Variants in MACROD2 observed in about 807,000 individuals in gnomAD.
MACROD2 encodes the protein mono-ADP ribosylhydrolase 2, also known as ADP-ribose glycohydrolase MACROD2.
A neutral mutation model predicts 70.4 loss-of-function variants in MACROD2; 36 were observed. The observed-to-expected ratio is 0.51, with a 90% CI of 0.39 to 0.68. MACROD2 has a LOEUF of 0.68. MACROD2 is among the 30% of genes least tolerant of loss of function. The pLI, the probability that MACROD2 is intolerant of heterozygous loss-of-function variation, is 0.00. For synonymous variants in MACROD2, 172 were observed against 178.8 expected, an observed-to-expected ratio of 0.96 and a Z score of 0.30; for missense variants, 496 against 538.4, an observed-to-expected ratio of 0.92 and a Z score of 0.78.
intron 5 of MACROD2, among the ~76,000 whole-genome samples, chr20:14,703,079 C>T (rs2071226117): frequency 6.6e-6 from 1 of 152,094 alleles, no homozygotes; most frequent in Admixed American, 6.6e-5. Flanking sequence ...AGCTATAATT[C>T]ATTCTCAGCT....
chr20:14,962,533 CT>C (rs2074593649), intron 5 of MACROD2, among the ~76,000 whole-genome samples: 3 of 147,286 alleles, frequency 2.0e-5, no homozygotes, highest in African/African-American at 7.5e-5. Flanking sequence ...CTCTTTCTCT[CT>C]CTCTCTCTTT....
chr20:14,545,070 G>T (rs1006735843), intron 4 of MACROD2, among the ~76,000 whole-genome samples: 2 of 152,164 alleles, frequency 1.3e-5, no homozygotes, highest in African/African-American at 4.8e-5. Context: ...ACTTGATGAA[G>T]ATGGGAACAC....
intron 8 of MACROD2, among the ~76,000 whole-genome samples, chr20:15,850,443 G>A (rs2064284347): frequency 6.6e-6 from 1 of 152,194 alleles, no homozygotes; most frequent in Admixed American, 6.5e-5. Context: ...CCATTGTCTG[G>A]CTCACACTTA....
chr20:15,173,489 C>G (rs1028554216), intron 5 of MACROD2, among the ~76,000 whole-genome samples: 3 of 152,106 alleles, frequency 2.0e-5, no homozygotes, highest in African/African-American at 7.2e-5. Context: ...GAAGGAATGT[C>G]TTATTGTAGA....
At chr20:14,814,374 A>T (rs1234468797) in intron 5 of MACROD2, among the ~76,000 whole-genome samples, 2 of 152,092 alleles carry the variant, frequency 1.3e-5, no homozygotes, top group Non-Finnish European at 2.9e-5. Context: ...GCAACAGTAA[A>T]TGCTTACAGT....
At chr20:14,829,128 ATTTTTTTT>A (rs71190150) in intron 5 of MACROD2, among the ~76,000 whole-genome samples, 1 of 110,370 alleles carries the variant, frequency 9.1e-6, no homozygotes, top group Non-Finnish European at 1.8e-5. Flanking sequence ...TTGCAGAACT[ATTTTTTTT>A]TTTTTTTTTT....
intron 5 of MACROD2, among the ~76,000 whole-genome samples, chr20:14,751,763 G>A (rs2123737211): frequency 6.6e-6 from 1 of 152,068 alleles, no homozygotes; most frequent in Non-Finnish European, 1.5e-5. Flanking sequence ...TTTTTCTTTT[G>A]GCTAAAACAA....
intron 3 of MACROD2, among the ~76,000 whole-genome samples, chr20:14,390,776 GAAAC>G (rs1369669097): frequency 5.3e-5 from 8 of 152,076 alleles, no homozygotes; most frequent in South Asian, 4.2e-4. Flanking sequence ...AAATGTACAA[GAAAC>G]AAACAGACAA....
chr20:15,931,846 C>G (rs2065583759), intron 10 of MACROD2, among the ~76,000 whole-genome samples: 1 of 152,052 alleles, frequency 6.6e-6, no homozygotes, highest in Non-Finnish European at 1.5e-5. Context: ...CCATCTGAAA[C>G]TTTCTTCAGT....
At chr20:14,563,715 T>G (rs1360480250) in intron 4 of MACROD2, among the ~76,000 whole-genome samples, 4 of 151,944 alleles carry the variant, frequency 2.6e-5, no homozygotes, top group African/African-American at 9.7e-5. Context: ...CTATTTCTTT[T>G]CAAATAAATT....
At chr20:14,894,171 C>T (rs762880328) in intron 5 of MACROD2, 1 of 152,012 alleles carries the variant, frequency 6.6e-6, no homozygotes, top group Non-Finnish European at 1.5e-5. Flanking sequence ...TTCTATAATA[C>T]TGATAGAATC....
chr20:14,788,837 C>T (rs2072410584), intron 5 of MACROD2, among the ~76,000 whole-genome samples: 2 of 136,098 alleles, frequency 1.5e-5, no homozygotes, highest in Non-Finnish European at 1.5e-5. Context: ...GGTGCGATCT[C>T]GGCTTACTGC....
chr20:15,328,657 G>A (rs2077958427), intron 6 of MACROD2, among the ~76,000 whole-genome samples: 1 of 152,046 alleles, frequency 6.6e-6, no homozygotes, highest in East Asian at 1.9e-4. Flanking sequence ...CCATATCAGT[G>A]GACTTGCCCT....
intron 2 of MACROD2, among the ~76,000 whole-genome samples, chr20:14,061,968 G>A (rs1249671015): frequency 6.6e-6 from 1 of 152,112 alleles, no homozygotes; most frequent in East Asian, 1.9e-4. Flanking sequence ...CTTGGCCCTT[G>A]TTCCAAGAGC....
chr20:14,922,492 A>G (rs1349742984), intron 5 of MACROD2, among the ~76,000 whole-genome samples: 1 of 152,214 alleles, frequency 6.6e-6, no homozygotes, highest in Non-Finnish European at 1.5e-5. Context: ...CATCTAAAAA[A>G]CAGTGGTGTC....
At chr20:14,920,268 T>A (rs2074145667) in intron 5 of MACROD2, among the ~76,000 whole-genome samples, 1 of 152,188 alleles carries the variant, frequency 6.6e-6, no homozygotes, top group South Asian at 2.1e-4. Flanking sequence ...ATACATGCCC[T>A]GTCTTTAACT....
chr20:14,955,255 T>C (rs1365909449), intron 5 of MACROD2, among the ~76,000 whole-genome samples: 1 of 138,000 alleles, frequency 7.2e-6, no homozygotes, highest in Non-Finnish European at 1.5e-5. Context: ...ATAATTTATA[T>C]AATATAATAT....
At chr20:15,618,322 G>C (rs460938) in intron 8 of MACROD2, among the ~76,000 whole-genome samples, 7,346 of 152,150 alleles carry the variant, frequency 0.048, 256 homozygotes, top group Middle Eastern at 0.099. Context: ...TATGCAGATT[G>C]AGTTTCTTTA....
At chr20:14,422,957 A>G (rs1458334979) in intron 3 of MACROD2, among the ~76,000 whole-genome samples, 2 of 152,222 alleles carry the variant, frequency 1.3e-5, no homozygotes, top group Non-Finnish European at 2.9e-5. Flanking sequence ...GTCTAGTGGT[A>G]AAAAACAGCC....
Sources: gnomAD v4.1 joint callset for allele counts (sites outside exome capture counted in the v4.1 genomes callset) on GRCh38, gnomAD v4.1.1 for gene constraint, MANE v1.5 for transcripts, NCBI Gene and HGNC (gene_info 2026-07-23, HGNC 2026-07-21) for gene names.